The following SLC4A5 variants were observed in gnomAD, a reference collection of about 807,000 sequenced individuals.
SLC4A5 encodes electrogenic sodium bicarbonate cotransporter 4.
In SLC4A5, 96 loss-of-function variants were observed where a neutral mutation model predicts 120.4. The ratio of observed to expected loss-of-function variants is 0.80; its 90% confidence interval spans 0.68 to 0.94. The LOEUF (loss-of-function observed/expected upper bound fraction) is 0.94. Among genes scored for constraint, SLC4A5 ranks in the 40% least tolerant of loss-of-function variants. The probability of loss-of-function intolerance (pLI) is 0.00; values close to 1 mark genes in which losing one functional copy is unlikely to be tolerated. For missense variants in SLC4A5, 1,259 were observed against 1,459.5 expected (o/e 0.86, Z 2.24); for synonymous variants, 550 against 571.1 (o/e 0.96, Z 0.53).
At chr2:74,233,763 T>C (rs1670176480) in intron 22 of SLC4A5, among the ~76,000 whole-genome samples, 200 bp from the exon 23 acceptor site, 1 of 152,208 alleles carries the variant, frequency 6.6e-6, no homozygotes, top group Non-Finnish European at 1.5e-5. Flanking sequence ...GCAGACAGTG[T>C]CTGTAAAACT....
At chr2:74,266,964 T>C (rs1291583795) in intron 8 of SLC4A5, among the ~76,000 whole-genome samples, 1 of 152,314 alleles carries the variant, frequency 6.6e-6, no homozygotes. Context: ...ATAACAATGC[T>C]CCTTTGAATT....
chr2:74,237,038 G>A lies in SLC4A5; in HGVS notation c.2320-1824C>T, dbSNP rs181370984. 1.6e-3 allele frequency among the ~76,000 whole-genome samples: 243 copies of A among 150,362 alleles called. 1 individual carries two copies. The highest frequency in any genetic ancestry group is 6.1e-3 in the South Asian group (29 of 4,766). ...GTCGCCCAGGCTGGAGTGCAGTGGC[G>A]CAATCTTTGCTCACGGCAAGCTCTG... On this transcript the variant is annotated intron_variant, in intron 21 of 30. Transcript: ENST00000394019.
chr2:74,252,271 A>T, exon 16 of SLC4A5: 2 of 1,607,144 alleles, frequency 1.2e-6, no homozygotes, highest in Non-Finnish European at 1.7e-6. Context: ...CGCCACTGCC[A>T]GCCCCGCCGC....
In SLC4A5 at chr2:74,235,232, G is replaced by A; in HGVS notation, c.2320-18C>T. 1 of 1,602,278 alleles carries A rather than the reference G, an allele frequency of 6.2e-7. No individual in the cohort carries two copies. The highest frequency in any genetic ancestry group is 8.5e-7 in the Non-Finnish European group (1 of 1,170,652). On this transcript the variant is annotated intron_variant, in intron 21 of 30. Transcript: ENST00000394019. ...GCCCGGACCTGCAGACAGGAGATGA[G>A]CAAGTAAAAGAAGTGAGTAAAGCAC...
intron 30 of SLC4A5, among the ~76,000 whole-genome samples, chr2:74,219,016 CA>C (rs1694527898): frequency 6.6e-6 from 1 of 152,176 alleles, no homozygotes; most frequent in South Asian, 2.1e-4. Flanking sequence ...TTTGAAATCA[CA>C]AATTTGGTGA....
chr2:74,319,637 A>T (rs1171131624), intron 5 of SLC4A5: 1 of 151,818 alleles, frequency 6.6e-6, no homozygotes, highest in African/African-American at 2.4e-5. Flanking sequence ...TCCCTATATG[A>T]TTGTTTGCAA....
rs990964094 is a variant in SLC4A5, at chr2:74,262,107, C to T, written c.811+30G>A. On this transcript the variant is annotated intron_variant, in intron 11 of 30. Transcript: ENST00000394019. The stretch of plus-strand genomic sequence containing the variant: ...CACAGCTGCCACAGCCTGAATAAAG[C>T]TGCCACAGAGCGGCAGAGCACACAC... The T allele has an allele frequency of 2.5e-6, 4 of 1,600,618 alleles. No homozygotes were observed. The Admixed American group carries it at 6.7e-5, about 27-fold the overall frequency.
At chr2:74,269,128 A>G (rs1671392223) in intron 8 of SLC4A5, among the ~76,000 whole-genome samples, 1 of 152,224 alleles carries the variant, frequency 6.6e-6, no homozygotes, top group Non-Finnish European at 1.5e-5. Flanking sequence ...ATCCAAGACT[A>G]TGTGATATCG....
At chr2:74,295,352 G>A (rs1356028516) in intron 7 of SLC4A5, among the ~76,000 whole-genome samples, 6 of 152,082 alleles carry the variant, frequency 3.9e-5, no homozygotes, top group Non-Finnish European at 7.4e-5. Flanking sequence ...TGAGTATCTC[G>A]GCCAGGTGCA....
intron 16 of SLC4A5, among the ~76,000 whole-genome samples, chr2:74,251,699 T>C (rs568892978): frequency 6.6e-6 from 1 of 151,948 alleles, no homozygotes; most frequent in East Asian, 1.9e-4. Flanking sequence ...GGCCATGTGG[T>C]GGAGAGGCAG....
intron 8 of SLC4A5, among the ~76,000 whole-genome samples, chr2:74,283,334 T>C (rs1417167212): frequency 6.6e-6 from 1 of 152,138 alleles, no homozygotes; most frequent in East Asian, 1.9e-4. Flanking sequence ...AGGGTCACTG[T>C]GCAACTTGCA....
At chr2:74,293,186 G>A (rs534534179) in intron 7 of SLC4A5, among the ~76,000 whole-genome samples, 2 of 152,284 alleles carry the variant, frequency 1.3e-5, no homozygotes, top group South Asian at 4.1e-4. Context: ...GTAGGTCTTG[G>A]AGGCCCTGAG....
chr2:74,257,538 CA>C, intron 12 of SLC4A5, among the ~76,000 whole-genome samples: 1 of 152,064 alleles, frequency 6.6e-6, no homozygotes, highest in East Asian at 1.9e-4. Context: ...TCGGAAGCAG[CA>C]ATGCTTCAGG....
At chr2:74,293,792 A>C (rs1210655338) in intron 7 of SLC4A5, among the ~76,000 whole-genome samples, 3 of 152,308 alleles carry the variant, frequency 2.0e-5, no homozygotes, top group Admixed American at 2.0e-4. Context: ...ATTGTGATAA[A>C]ATTACCTTCT....
chr2:74,315,103 A>T, intron 5 of SLC4A5, 78 bp from the exon 6 acceptor site: 1 of 1,224,580 alleles, frequency 8.2e-7, no homozygotes, highest in South Asian at 1.2e-5. Context: ...GGTCAAATCC[A>T]CAGTCATAAT....
At chr2:74,241,664 C>T (rs976847357) in intron 20 of SLC4A5, among the ~76,000 whole-genome samples, 11 of 150,606 alleles carry the variant, frequency 7.3e-5, no homozygotes, top group Non-Finnish European at 1.5e-5. Context: ...ATTGCTTGAA[C>T]CTGGGAGATG....
At chr2:74,261,863 G>C (rs920366237) in intron 11 of SLC4A5, among the ~76,000 whole-genome samples, 1 of 152,200 alleles carries the variant, frequency 6.6e-6, no homozygotes, top group Non-Finnish European at 1.5e-5. Flanking sequence ...TACAGACTAA[G>C]ATAAAAACAC....
chr2:74,246,732 CCT>C (rs1415994795), intron 19 of SLC4A5, among the ~76,000 whole-genome samples: 3 of 152,184 alleles, frequency 2.0e-5, no homozygotes, highest in African/African-American at 2.4e-5. Flanking sequence ...AGCAGGAACC[CCT>C]GAGTGGCACT....
At chr2:74,287,043 A>G (rs1672006841) in intron 7 of SLC4A5, among the ~76,000 whole-genome samples, 1 of 151,978 alleles carries the variant, frequency 6.6e-6, no homozygotes, top group African/African-American at 2.4e-5. Flanking sequence ...CTCATATTGA[A>G]ATTTTCAGGA....
Sources: gnomAD v4.1 joint callset for allele counts (sites outside exome capture counted in the v4.1 genomes callset) on GRCh38, gnomAD v4.1.1 for gene constraint, MANE v1.5 for transcripts, NCBI Gene and HGNC (gene_info 2026-07-23, HGNC 2026-07-21) for gene names.